The following TOM1L1 variants were observed in gnomAD, a reference collection of about 807,000 sequenced individuals.
TOM1L1 encodes TOM1-like protein 1.
Under a neutral mutation model 63.4 loss-of-function variants are expected in TOM1L1, and 64 were observed. The ratio of observed to expected loss-of-function variants is 1.01; its 90% CI spans 0.83 to 1.24. The LOEUF is 1.24. TOM1L1 is among the 50% of genes most tolerant of loss of function. The probability of loss-of-function intolerance (pLI) is 0.00; values close to 1 mark genes in which losing one functional copy is unlikely to be tolerated. For missense variants in TOM1L1, 536 were observed against 567.0 expected (o/e 0.95, Z 0.55); for synonymous variants, 166 against 194.4 (o/e 0.85, Z 1.22).
intron 3 of TOM1L1, among the ~76,000 whole-genome samples, chr17:54,907,153 C>CTTTT (rs74686562): frequency 1.5e-5 from 2 of 137,352 alleles, no homozygotes; most frequent in African/African-American, 2.7e-5. Flanking sequence ...CCCCCTTCAC[C>CTTTT]TTTTTTTTTT....
chr17:54,907,842 T>A (rs1486848305), intron 3 of TOM1L1, among the ~76,000 whole-genome samples: 2 of 152,202 alleles, frequency 1.3e-5, no homozygotes, highest in African/African-American at 4.8e-5. Context: ...TTTACAGGTG[T>A]TCACCATTCA....
rs2077119315 is a variant in TOM1L1, at chr17:54,961,315, G to T, written c.*82G>T. 6.4e-7 allele frequency: 1 copy of T among 1,551,554 alleles called. No homozygotes were observed. ...TAGACTCTGTGCAGCTTTGAAGCCT[G>T]GAAGACAATACCTACCAACATGTCA... On this transcript the variant is annotated 3_prime_UTR_variant, in exon 16 of 16. Coordinates refer to ENST00000575882, the MANE Select transcript of TOM1L1 (RefSeq NM_005486.3).
intron 14 of TOM1L1, among the ~76,000 whole-genome samples, chr17:54,956,474 T>G (rs1181499251): frequency 1.3e-4 from 20 of 151,968 alleles, no homozygotes; most frequent in Admixed American, 1.2e-3. Context: ...CCTGGCTAAT[T>G]TTTTTGTATA....
At chr17:54,924,186 T>C (rs2048730133) in intron 7 of TOM1L1, among the ~76,000 whole-genome samples, 1 of 152,036 alleles carries the variant, frequency 6.6e-6, no homozygotes, top group African/African-American at 2.4e-5. Context: ...TTGAGTGCAC[T>C]GAGTTCATTC....
At chr17:54,922,242 G>A (rs926316201) in intron 7 of TOM1L1, among the ~76,000 whole-genome samples, 6 of 151,962 alleles carry the variant, frequency 3.9e-5, no homozygotes, top group Admixed American at 6.6e-5. Context: ...GCAGTGAGCC[G>A]AGATCAAGCC....
At chr17:54,953,714 T>G (rs1338296936) in intron 14 of TOM1L1, 1 of 152,276 alleles carries the variant, frequency 6.6e-6, no homozygotes, top group East Asian at 1.9e-4. Context: ...CTGCCGCATC[T>G]TCTTGTCTTC....
chr17:54,948,195 G>A (rs1226281643), intron 12 of TOM1L1, among the ~76,000 whole-genome samples: 1 of 152,132 alleles, frequency 6.6e-6, no homozygotes, highest in Non-Finnish European at 1.5e-5. Context: ...TGGCCTCTAA[G>A]GGAAGCCCTG....
intron 2 of TOM1L1, 122 bp downstream of exon 2, chr17:54,903,914 AC>A (rs2048367642): frequency 1.3e-6 from 1 of 788,822 alleles, no homozygotes; most frequent in African/African-American, 1.7e-5. Flanking sequence ...TTCATTAGGC[AC>A]CCTCTATCTT....
chr17:54,941,315 G>C (rs1020030463), intron 11 of TOM1L1, among the ~76,000 whole-genome samples: 2 of 152,146 alleles, frequency 1.3e-5, no homozygotes, highest in African/African-American at 2.4e-5. Flanking sequence ...AGGGGGAGGG[G>C]CAGAGGGAGG....
intron 14 of TOM1L1, among the ~76,000 whole-genome samples, chr17:54,951,236 A>G (rs1355209328): frequency 2.6e-5 from 4 of 152,240 alleles, no homozygotes; most frequent in Non-Finnish European, 5.9e-5. Context: ...AAGGATGCAG[A>G]TGAAGAGATG....
At chr17:54,941,289 C>T (rs2049029069) in intron 11 of TOM1L1, among the ~76,000 whole-genome samples, 1 of 151,996 alleles carries the variant, frequency 6.6e-6, no homozygotes, top group Non-Finnish European at 1.5e-5. Flanking sequence ...CACTGAATTA[C>T]TTTTCTATAT....
intron 12 of TOM1L1, among the ~76,000 whole-genome samples, chr17:54,947,739 C>T (rs532882881): frequency 5.9e-5 from 9 of 152,288 alleles, no homozygotes; most frequent in African/African-American, 1.2e-4. Flanking sequence ...TTTGGTGGCT[C>T]TTCCTCCTCT....
chr17:54,950,001 T>C (rs1362432454), intron 13 of TOM1L1, 44 bp from the exon 14 acceptor site: 1 of 1,517,030 alleles, frequency 6.6e-7, no homozygotes, highest in African/African-American at 1.4e-5. Context: ...CGTGTACTCC[T>C]CAAAAAGCAC....
chr17:54,923,882 G>C (rs1478425337), intron 7 of TOM1L1, among the ~76,000 whole-genome samples: 1 of 152,094 alleles, frequency 6.6e-6, no homozygotes, highest in Non-Finnish European at 1.5e-5. Flanking sequence ...CTACTCAGGA[G>C]GTTGAGGCAG....
In TOM1L1 at chr17:54,931,949, G is replaced by GTTTT. The variant is rs10632110; in HGVS notation, c.854+1750_854+1753dup. On this transcript the variant is annotated intron_variant, in intron 8 of 15. Transcript: ENST00000575882. ...CTTTCTTTCTTTTTCTTTTTTCTTC[G>GTTTT]TTTTTTTTTTGTTTGTTTGTTTGTT... 3.8e-3 allele frequency among the ~76,000 whole-genome samples: 463 copies of GTTTT among 121,486 alleles called. 3 individuals are homozygous for GTTTT. Among genetic ancestry groups the GTTTT allele is most frequent in the Non-Finnish European group, 5.4e-3 (305 of 56,750 alleles). The allele number at this position is 121,486 out of a possible 152,430, so 79.7% of individuals were successfully genotyped here.
In TOM1L1 at chr17:54,936,725, T is replaced by C; in HGVS notation, c.915+16T>C. ...AGCCACCAATGTAAGTGATGAGAAATGTTATAAAATAAACAATTGAACATT... is the reference window on the plus strand; with the variant it reads ...AGCCACCAATGTAAGTGATGAGAAACGTTATAAAATAAACAATTGAACATT... On this transcript the variant is annotated intron_variant, in intron 9 of 15. Coordinates refer to ENST00000575882, the MANE Select transcript of TOM1L1 (RefSeq NM_005486.3). 1.9e-6 allele frequency: 3 copies of C among 1,594,472 alleles called. No individual in the cohort carries two copies. Among genetic ancestry groups the C allele is most frequent in the Non-Finnish European group, 2.6e-6 (3 of 1,173,470 alleles).
rs187054466 is a variant in TOM1L1 at position 54,912,624 on chromosome 17, T to G, written c.223-42T>G. ...TTCCCTTACATTTTTAGGAGGTGGT[T>G]TTGCCAGATAAATATAATGTTTAAT... On this transcript the variant is annotated intron_variant, in intron 3 of 15. Coordinates refer to ENST00000575882, the MANE Select transcript of TOM1L1 (RefSeq NM_005486.3). The G allele has an allele frequency of 1.1e-3, 1,570 of 1,453,898 alleles. 12 individuals carry two copies. The highest frequency in any genetic ancestry group is 5.1e-4 in the Non-Finnish European group (558 of 1,103,142). The allele number at this position is 1,453,898 out of a possible 1,614,324, so 90.1% of individuals were successfully genotyped here. A position where few individuals can be genotyped will look rare whatever the true frequency, so the allele number is the denominator to read the frequency against.
At chr17:54,936,752 T>C (rs1567834772) in intron 9 of TOM1L1, 43 bp downstream of exon 9, 1 of 1,548,972 alleles carries the variant, frequency 6.5e-7, no homozygotes, top group East Asian at 2.3e-5. Context: ...TTGAACATTT[T>C]GCCAATTACA....
At chr17:54,927,673 C>T (rs1009537666) in intron 7 of TOM1L1, among the ~76,000 whole-genome samples, 1 of 152,216 alleles carries the variant, frequency 6.6e-6, no homozygotes, top group African/African-American at 2.4e-5. Context: ...GCTCCCCTGG[C>T]TCCCCACATC....
Sources: gnomAD v4.1 joint callset for allele counts (sites outside exome capture counted in the v4.1 genomes callset) on GRCh38, gnomAD v4.1.1 for gene constraint, MANE v1.5 for transcripts, NCBI Gene and HGNC (gene_info 2026-07-23, HGNC 2026-07-21) for gene names.